Variants in VCL observed in about 807,000 individuals in gnomAD.
The protein encoded by VCL is vinculin, also known as epididymis luminal protein 114.
In VCL, 47 loss-of-function variants were observed where a neutral mutation model predicts 125.7. The ratio of observed to expected loss-of-function variants is 0.37; its 90% CI spans 0.30 to 0.48. The LOEUF (loss-of-function observed/expected upper bound fraction) is 0.48. VCL is among the 20% of genes least tolerant of loss of function. VCL has a pLI of 0.99. For missense variants in VCL, 1,069 were observed against 1,455.5 expected (o/e 0.73, Z 4.32); for synonymous variants, 458 against 514.6 (o/e 0.89, Z 1.49).
intron 2 of VCL, among the ~76,000 whole-genome samples, chr10:74,067,824 G>A (rs1319993149): frequency 6.6e-6 from 1 of 152,206 alleles, no homozygotes. Context: ...GTTATCAGGG[G>A]ACGGGGGAAG....
intron 1 of VCL, among the ~76,000 whole-genome samples, chr10:74,029,117 ATT>A (rs547013797): frequency 4.4e-5 from 6 of 137,386 alleles, no homozygotes; most frequent in Non-Finnish European, 3.2e-5. Context: ...ATACAGAAGA[ATT>A]TTTTTTTTTT....
intron 21 of VCL, among the ~76,000 whole-genome samples, chr10:74,116,851 C>G (rs1046018965): frequency 6.6e-6 from 1 of 152,162 alleles, no homozygotes; most frequent in African/African-American, 2.4e-5. Context: ...ATGAGGAATT[C>G]CAGCCCACAG....
In VCL at chr10:74,089,897, G is replaced by A. The variant is rs527971692; in HGVS notation, c.1177-126G>A. On this transcript the variant is annotated intron_variant, in intron 9 of 21. Transcript: ENST00000211998. Reference sequence around the variant, plus strand: ...CTAAGAACCTCCATACAATAATAAAGATCAGAATTATAAAAATGATTACTG... The same window carrying A: ...CTAAGAACCTCCATACAATAATAAAAATCAGAATTATAAAAATGATTACTG... 7.0e-4 allele frequency: 759 copies of A among 1,086,992 alleles called. 14 individuals are homozygous for A. In the South Asian group the frequency reaches 9.5e-3, roughly 14 times the overall value. 67.3% of individuals were successfully genotyped at this position (1,086,992 alleles called of 1,614,324 possible). A position where few individuals can be genotyped will look rare whatever the true frequency, so the allele number is the denominator to read the frequency against.
At chr10:74,011,772 A>T (rs1246106020) in intron 1 of VCL, among the ~76,000 whole-genome samples, 1 of 152,214 alleles carries the variant, frequency 6.6e-6, no homozygotes, top group African/African-American at 2.4e-5. Context: ...GAACTTTTAG[A>T]TTCCAAAAAA....
At chr10:74,102,108 G>A (rs11812655) in intron 14 of VCL, among the ~76,000 whole-genome samples, 2,532 of 151,862 alleles carry the variant, frequency 0.017, 73 homozygotes, top group African/African-American at 0.058. Flanking sequence ...CTCATGATCC[G>A]CCCACCTCGG....
At chr10:74,032,064 C>CAAA (rs35715975) in intron 1 of VCL, among the ~76,000 whole-genome samples, 3 of 21,032 alleles carry the variant, frequency 1.4e-4, no homozygotes, top group Non-Finnish European at 2.3e-4. Flanking sequence ...AACTCCATCT[C>CAAA]AAAAAAAAAA....
chr10:74,046,269 A>AC (rs1841195459), intron 2 of VCL, among the ~76,000 whole-genome samples: 1 of 152,114 alleles, frequency 6.6e-6, no homozygotes, highest in Non-Finnish European at 1.5e-5. Flanking sequence ...TATTTTTGAG[A>AC]CAGGCTCTCA....
At chr10:74,068,805 G>A (rs1841615890) in intron 2 of VCL, among the ~76,000 whole-genome samples, 1 of 152,180 alleles carries the variant, frequency 6.6e-6, no homozygotes, top group Non-Finnish European at 1.5e-5. Flanking sequence ...AGGAAACTCA[G>A]TATTGGTTGC....
At chr10:74,114,078 G>A in intron 19 of VCL, 106 bp from the exon 20 acceptor site, 1 of 1,327,246 alleles carries the variant, frequency 7.5e-7, no homozygotes, top group Non-Finnish European at 1.1e-6. Flanking sequence ...CCTTCCGGAG[G>A]GATGCTAAGG....
In VCL at chr10:74,109,076, A is replaced by T; in HGVS notation, c.2665A>T (p.Lys889Ter). ...AAAGGATGAAGAGTTCCCTGAGCAG[A>T]AGGCCGGGGAGGTGATTAACCAGCC... ...EEKDEEFPEQKAGEVINQPMM... is the reference protein window; with the variant it reads ...EEKDEEFPEQ Residue 889 changes from lysine to a stop codon, truncating the protein, a stop_gained, in exon 18 of 22, where the codon AAG (lysine) becomes TAG (stop). Coordinates refer to ENST00000211998, the MANE Select transcript of VCL (RefSeq NM_014000.3). LOFTEE classifies it high-confidence loss of function. 1 of 1,614,156 alleles carries T rather than the reference A, an allele frequency of 6.2e-7. No individual in the cohort carries two copies. The highest frequency in any genetic ancestry group is 2.2e-5 in the East Asian group (1 of 44,876).
chr10:74,092,787 A>G (rs1215308999), intron 10 of VCL, among the ~76,000 whole-genome samples: 2 of 152,190 alleles, frequency 1.3e-5, no homozygotes, highest in Non-Finnish European at 2.9e-5. Flanking sequence ...CACCGCAGAC[A>G]TACTTAATTG....
intron 2 of VCL, among the ~76,000 whole-genome samples, chr10:74,048,555 A>G (rs4414157): frequency 0.15 from 23,286 of 151,808 alleles, 1,871 homozygotes; most frequent in East Asian, 0.22. Context: ...TACATTTTGT[A>G]TCACTGTCAG....
At chr10:74,023,741 C>T (rs1840717848) in intron 1 of VCL, among the ~76,000 whole-genome samples, 1 of 152,122 alleles carries the variant, frequency 6.6e-6, no homozygotes, top group Non-Finnish European at 1.5e-5. Flanking sequence ...TGTTTTAGAC[C>T]AAAGGCTGTG....
intron 1 of VCL, among the ~76,000 whole-genome samples, chr10:74,021,744 A>G (rs1291233189): frequency 6.6e-6 from 1 of 152,242 alleles, no homozygotes; most frequent in Non-Finnish European, 1.5e-5. Flanking sequence ...GCACTAGAGA[A>G]TGAGAATGCA....
At chr10:74,110,099 G>A (rs1840197739) in intron 18 of VCL, among the ~76,000 whole-genome samples, 2 of 152,180 alleles carry the variant, frequency 1.3e-5, no homozygotes, top group South Asian at 4.1e-4. Flanking sequence ...TGTTAGCTGT[G>A]AGCCCAGGTT....
At chr10:74,013,595 T>A (rs1460757546) in intron 1 of VCL, among the ~76,000 whole-genome samples, 2 of 152,130 alleles carry the variant, frequency 1.3e-5, no homozygotes, top group South Asian at 2.1e-4. Flanking sequence ...AGCAGTACAG[T>A]AGTATAATCG....
intron 10 of VCL, 103 bp from the exon 11 acceptor site, chr10:74,094,168 C>G (rs1839930102): frequency 5.0e-6 from 7 of 1,403,682 alleles, no homozygotes; most frequent in African/African-American, 1.4e-5. Flanking sequence ...TAATAGTAAT[C>G]AGGAGCAATT....
chr10:74,107,566 G>T (rs1332084097), intron 17 of VCL, among the ~76,000 whole-genome samples: 3 of 151,964 alleles, frequency 2.0e-5, no homozygotes, highest in African/African-American at 7.3e-5. Context: ...TGTGTGTGTA[G>T]TACTGGTGTG....
At chr10:74,009,213 CTT>C (rs200588325) in intron 1 of VCL, among the ~76,000 whole-genome samples, 1 of 64,966 alleles carries the variant, frequency 1.5e-5, no homozygotes, top group Non-Finnish European at 2.9e-5. Flanking sequence ...GTGGCTGCTG[CTT>C]TCCCCCCCCC....
Sources: gnomAD v4.1 joint callset for allele counts (sites outside exome capture counted in the v4.1 genomes callset) on GRCh38, gnomAD v4.1.1 for gene constraint, MANE v1.5 for transcripts, NCBI Gene and HGNC (gene_info 2026-07-23, HGNC 2026-07-21) for gene names.